The following TRPC1 variants were observed in gnomAD, a reference collection of about 807,000 sequenced individuals.
The protein encoded by TRPC1 is transient receptor potential cation channel subfamily C member 1.
A neutral mutation model predicts 88.2 loss-of-function variants in TRPC1; 42 were observed. The ratio of observed to expected loss-of-function variants is 0.48; its 90% CI spans 0.37 to 0.62. TRPC1 has a LOEUF of 0.62. Among genes scored for constraint, TRPC1 ranks in the 20% least tolerant of loss-of-function variants. The pLI is 0.00. For missense variants in TRPC1, 699 were observed against 957.3 expected, an observed-to-expected ratio of 0.73 and a Z score of 3.56; for synonymous variants, 288 against 331.8, an observed-to-expected ratio of 0.87 and a Z score of 1.43.
chr3:142,793,749 C>G, intron 9 of TRPC1: 1 of 677,580 alleles, frequency 1.5e-6, no homozygotes, highest in Non-Finnish European at 1.8e-6. Context: ...ATTCATTTTT[C>G]CTTAAGTCAA....
chr3:142,732,018 C>T (rs1933940625), intron 1 of TRPC1, among the ~76,000 whole-genome samples: 1 of 152,110 alleles, frequency 6.6e-6, no homozygotes, highest in African/African-American at 2.4e-5. Flanking sequence ...GCATGGCCCA[C>T]AAAGCTTAAA....
rs147594324 is a variant in TRPC1, at chr3:142,745,557, T to C, written c.429+1971T>C. Among the ~76,000 whole-genome samples, 1,050 of 152,114 alleles carry C rather than the reference T, an allele frequency of 6.9e-3. 28 individuals carry two copies. In the East Asian group the frequency reaches 0.089, roughly 13 times the overall value. On this transcript the variant is annotated intron_variant, in intron 3 of 12. Coordinates refer to ENST00000476941, the MANE Select transcript of TRPC1 (RefSeq NM_001251845.2). ...TACTTGGGAGGCTGAGGCAGGAGAA[T>C]TGCTTGAGCCTTGGAGGTGGAGGTT...
At chr3:142,790,892 T>G in intron 7 of TRPC1, 127 bp from the exon 8 acceptor site, 1 of 798,956 alleles carries the variant, frequency 1.3e-6, no homozygotes, top group Non-Finnish European at 1.6e-6. Flanking sequence ...ATGTTTTTGG[T>G]TTTGTTTTTT....
At chr3:142,795,319 C>T (rs1428795666) in intron 9 of TRPC1, among the ~76,000 whole-genome samples, 1 of 141,952 alleles carries the variant, frequency 7.0e-6, no homozygotes, top group Non-Finnish European at 1.5e-5. Context: ...AGACATTTTC[C>T]AAATTTGAAG....
intron 4 of TRPC1, among the ~76,000 whole-genome samples, chr3:142,764,080 A>T (rs1014215062): frequency 6.8e-5 from 5 of 73,960 alleles, no homozygotes; most frequent in African/African-American, 6.6e-4. Flanking sequence ...AAACAAAGGC[A>T]AAAAAAAATT....
chr3:142,804,091 CATT>C lies in TRPC1; in HGVS notation c.1873_1875del (p.Ile625del). The C allele has an allele frequency of 1.2e-6, 2 of 1,613,884 alleles. No homozygotes were observed. The highest frequency in any genetic ancestry group is 1.7e-6 in the Non-Finnish European group (2 of 1,179,922). ...AACTGCAGTCCTTTGTGGGAGCTGT[CATT>C]GTTGGTACATACAATGTCGTGGTTG... On this transcript the variant is annotated inframe_deletion, in exon 11 of 13. Transcript: ENST00000476941.
intron 4 of TRPC1, 92 bp from the exon 5 acceptor site, chr3:142,777,540 T>A: frequency 1.3e-6 from 1 of 762,566 alleles, no homozygotes; most frequent in Non-Finnish European, 1.8e-6. Flanking sequence ...TTTTATAATA[T>A]TTTAAGTATA....
At chr3:142,785,402 T>A (rs1460968263) in intron 7 of TRPC1, 2 of 167,538 alleles carry the variant, frequency 1.2e-5, no homozygotes, top group African/African-American at 2.4e-5. Context: ...TGAAACAATC[T>A]ATTTTATACT....
At chr3:142,728,567 C>T (rs1454897816) in intron 1 of TRPC1, among the ~76,000 whole-genome samples, 2 of 152,022 alleles carry the variant, frequency 1.3e-5, no homozygotes, top group Admixed American at 6.6e-5. Context: ...GTGATCCACC[C>T]GCCTCGGCTT....
intron 1 of TRPC1, among the ~76,000 whole-genome samples, chr3:142,730,731 T>G (rs1022486878): frequency 3.9e-5 from 6 of 152,278 alleles, no homozygotes; most frequent in Non-Finnish European, 4.4e-5. Context: ...TCATGTCTTT[T>G]TATTTTTTCA....
chr3:142,747,802 C>T (rs906241900), intron 3 of TRPC1, among the ~76,000 whole-genome samples: 1 of 152,130 alleles, frequency 6.6e-6, no homozygotes, highest in Non-Finnish European at 1.5e-5. Context: ...GCATTGCTGT[C>T]AATGTGATAA....
Position 142,806,213 on chromosome 3 carries a change from C to A in TRPC1, c.2360C>A (p.Ala787Asp), listed in dbSNP as rs371348586. 296 of 1,607,556 alleles carry A rather than the reference C, an allele frequency of 1.8e-4. 1 individual carries two copies. The highest frequency in any genetic ancestry group is 2.4e-4 in the Non-Finnish European group (280 of 1,175,022). ...DLLGFRTSKY[A>D]MFYPRN ...CTTGGCTTTCGGACTTCTAAATATG[C>A]TATGTTTTATCCAAGAAATTAACCA... is the stretch of plus-strand genomic sequence containing the variant. Residue 787 changes from alanine to aspartate, a missense_variant, in exon 13 of 13, where the codon GCT becomes GAT. Coordinates refer to ENST00000476941, the MANE Select transcript of TRPC1 (RefSeq NM_001251845.2).
chr3:142,792,895 AT>A lies in TRPC1; in HGVS notation c.1512del (p.Phe504LeufsTer5). 2 of 1,610,368 alleles carry A rather than the reference AT, an allele frequency of 1.2e-6. No individual in the cohort carries two copies. The highest frequency in any genetic ancestry group is 2.2e-5 in the South Asian group (2 of 90,816). ...CACTGGTGGCAGAAGGGCTTTTTGC[AT>A]TTGCAAATGTTCTAAGTTATCTTCG... The part of the protein sequence containing the change: ...PTLVAEGLFA[F>X]ANVLSYLRLF... On this transcript the variant is annotated frameshift_variant, in exon 9 of 13. Coordinates refer to ENST00000476941, the MANE Select transcript of TRPC1 (RefSeq NM_001251845.2). LOFTEE classifies it high-confidence loss of function. This position sits in a 1 kb window ranked among gnomAD's most constrained non-coding sequence, Gnocchi z 4.0.
chr3:142,755,966 C>G lies in TRPC1; in HGVS notation c.632+7506C>G, dbSNP rs890680755. ...CCACCAGTTTTTCTATTTTTGTAGT[C>G]TTTTCTTTACTAGAAATTTCATATA... On this transcript the variant is annotated intron_variant, in intron 4 of 12. Coordinates refer to ENST00000476941, the MANE Select transcript of TRPC1 (RefSeq NM_001251845.2). Among the ~76,000 whole-genome samples, 6 of 152,082 alleles carry G rather than the reference C, an allele frequency of 3.9e-5. 1 individual carries two copies. Among genetic ancestry groups the G allele is most frequent in the Admixed American group, 3.9e-4 (6 of 15,274 alleles).
intron 4 of TRPC1, among the ~76,000 whole-genome samples, chr3:142,754,670 T>C (rs187033508): frequency 6.6e-6 from 1 of 152,304 alleles, no homozygotes; most frequent in East Asian, 1.9e-4. Flanking sequence ...ATTACCAACA[T>C]CACCCCTGAA....
Position 142,792,101 on chromosome 3 carries a change from G to T in TRPC1, c.1438-723G>T, listed in dbSNP as rs1444710694. ...TTCTGTTTAATTGATCAGTAGTATG[G>T]AATATGTTAGGTACGTTCAGTGTCT... is the stretch of plus-strand genomic sequence containing the variant. On this transcript the variant is annotated intron_variant, in intron 8 of 12. Transcript: ENST00000476941. This position sits in a 1 kb window ranked among gnomAD's most constrained non-coding sequence, Gnocchi z 4.0. Among the ~76,000 whole-genome samples the T allele has an allele frequency of 2.0e-5, 3 of 151,912 alleles. No homozygotes were observed. Among genetic ancestry groups the T allele is most frequent in the African/African-American group, 7.2e-5 (3 of 41,410 alleles).
rs370418779 is a variant in TRPC1 at position 142,724,672 on chromosome 3, G to A, written c.113G>A (p.Arg38Gln). The A allele has an allele frequency of 2.5e-6, 4 of 1,611,762 alleles. No individual in the cohort carries two copies. The highest frequency in any genetic ancestry group is 1.3e-5 in the African/African-American group (1 of 74,644). ...PNEVMALKDV[R>Q]EVKEENTLNE... Reference sequence around the variant, plus strand: ...GAGGTGATGGCGCTGAAGGATGTGCGGGAGGTGAAGGAGGAGAATACGCTG... The same window carrying A: ...GAGGTGATGGCGCTGAAGGATGTGCAGGAGGTGAAGGAGGAGAATACGCTG... Residue 38 changes from arginine (R) to glutamine (Q), a missense_variant, in exon 1 of 13, where the codon CGG (arginine) becomes CAG (glutamine). By Grantham distance (43) the Arg-to-Gln change is conservative. This residue lies in a region of TRPC1 where 157 missense variants were observed against 127.0 expected (regional missense o/e 1.24). Transcript: ENST00000476941. The surrounding 1 kb of genome is among the most constrained non-coding windows in gnomAD (Gnocchi z 5.6).
chr3:142,740,017 C>T (rs775578989), intron 2 of TRPC1, among the ~76,000 whole-genome samples: 2 of 152,148 alleles, frequency 1.3e-5, no homozygotes, highest in Middle Eastern at 3.2e-3. Context: ...CATAGGAGTA[C>T]GAACCCTATT....
chr3:142,795,274 G>T (rs867502075), intron 9 of TRPC1, among the ~76,000 whole-genome samples: 1 of 151,814 alleles, frequency 6.6e-6, no homozygotes, highest in African/African-American at 2.4e-5. Flanking sequence ...CCTGAAAAAA[G>T]GAGAGACCAA....
Sources: allele counts gnomAD v4.1 joint callset (sites outside exome capture counted in the v4.1 genomes callset), GRCh38; gene constraint gnomAD v4.1.1; regional missense constraint gnomAD v4.1.1; non-coding constraint Gnocchi (gnomAD v3.1); transcripts MANE v1.5; gene names NCBI Gene and HGNC (gene_info 2026-07-23, HGNC 2026-07-21).